Variants in PCDHGA11 observed in about 807,000 individuals in gnomAD.
The protein encoded by PCDHGA11 is protocadherin gamma subfamily A, 11, also known as protocadherin gamma-A11.
A neutral mutation model predicts 60.4 loss-of-function variants in PCDHGA11; 39 were observed. That is an observed-to-expected ratio of 0.65 (90% CI 0.50 to 0.84). The LOEUF is 0.84. Ranked by LOEUF, PCDHGA11 falls within the 40% of genes least tolerant of loss-of-function variation. The pLI is 0.00. For synonymous variants in PCDHGA11, 533 were observed against 510.3 expected (o/e 1.04, Z -0.60); for missense variants, 1,165 against 1,197.7 (o/e 0.97, Z 0.40).
At position 141,491,502 on chromosome 5, in the gene PCDHGA11, C is replaced by G. The variant is rs751961360; in HGVS notation, c.2434-3305C>G. 1.4e-5 allele frequency: 23 copies of G among 1,614,080 alleles called. No homozygotes were observed. Among genetic ancestry groups the G allele is most frequent in the Non-Finnish European group, 1.8e-5 (21 of 1,180,006 alleles). ...GCCCCAACCTGCAGGTGAGCTCGGA[C>G]GGCACGCTCAAGTACATGGAGGTGA... On this transcript the variant is annotated intron_variant, in intron 1 of 3. Coordinates refer to ENST00000398587, the MANE Select transcript of PCDHGA11 (RefSeq NM_018914.3). This position sits in a 1 kb window ranked among gnomAD's most constrained non-coding sequence, Gnocchi z 6.9.
intron 2 of PCDHGA11, among the ~76,000 whole-genome samples, chr5:141,495,094 C>T (rs1470702358): frequency 6.6e-6 from 1 of 152,156 alleles, no homozygotes; most frequent in African/African-American, 2.4e-5. Flanking sequence ...CTTCCCTCCT[C>T]GCCACGACCG....
At chr5:141,434,695 AAT>A (rs1228504579) in intron 1 of PCDHGA11, among the ~76,000 whole-genome samples, 7 of 152,212 alleles carry the variant, frequency 4.6e-5, no homozygotes, top group Non-Finnish European at 8.8e-5. Flanking sequence ...GCTGTTAATA[AAT>A]ATGTGGGTAA....
At chr5:141,500,729 C>T (rs1434863449) in intron 2 of PCDHGA11, among the ~76,000 whole-genome samples, 2 of 152,130 alleles carry the variant, frequency 1.3e-5, no homozygotes, top group Non-Finnish European at 2.9e-5. Flanking sequence ...CCATGTCTTT[C>T]AAAATTCTTC....
At position 141,477,039 on chromosome 5, in the gene PCDHGA11, G is replaced by C. The variant is rs1313580652; in HGVS notation, c.2434-17768G>C. Reference sequence around the variant, plus strand: ...GTAACCGGGATGCTGACAATCAAGGGTCGGCTGGACTTCGAGGACACCAAA... The same window carrying C: ...GTAACCGGGATGCTGACAATCAAGGCTCGGCTGGACTTCGAGGACACCAAA... On this transcript the variant is annotated intron_variant, in intron 1 of 3. Coordinates refer to ENST00000398587, the MANE Select transcript of PCDHGA11 (RefSeq NM_018914.3). This position sits in a 1 kb window ranked among gnomAD's most constrained non-coding sequence, Gnocchi z 4.9. 1 of 1,614,144 alleles carries C rather than the reference G, an allele frequency of 6.2e-7. No individual in the cohort carries two copies. The highest frequency in any genetic ancestry group is 8.5e-7 in the Non-Finnish European group (1 of 1,180,056).
rs1591337394 is a variant in PCDHGA11, at chr5:141,434,573, C to A, written c.2433+10913C>A. 2.0e-5 allele frequency among the ~76,000 whole-genome samples: 3 copies of A among 152,336 alleles called. No individual in the cohort carries two copies. The South Asian group carries it at 6.2e-4, about 32-fold the overall frequency. On this transcript the variant is annotated intron_variant, in intron 1 of 3. Transcript: ENST00000398587. The stretch of plus-strand genomic sequence containing the variant: ...TCTGTGCCTTAAGGACATGCCCCTG[C>A]TGCAGATAACTACCTCAATCCATCC...
intron 1 of PCDHGA11, chr5:141,424,500 G>A (rs2154550788): frequency 6.6e-6 from 1 of 152,208 alleles, no homozygotes; most frequent in African/African-American, 2.4e-5. Flanking sequence ...TGTATGTATG[G>A]AAGGTTTTTT....
rs1201654822 is a variant in PCDHGA11, at chr5:141,476,876, C to T, written c.2434-17931C>T. ...CCAGTCCTTGTACCGGGCGCGCGTC[C>T]TGGAGGATGCACCCTCCGGCACGCG... On this transcript the variant is annotated intron_variant, in intron 1 of 3. Transcript: ENST00000398587. The surrounding 1 kb of genome is among the most constrained non-coding windows in gnomAD (Gnocchi z 7.6). 6.2e-7 allele frequency: 1 copy of T among 1,613,876 alleles called. No homozygotes were observed. The highest frequency in any genetic ancestry group is 1.7e-5 in the Admixed American group (1 of 60,018).
intron 1 of PCDHGA11, chr5:141,441,824 G>A (rs1561905347): frequency 5.6e-6 from 2 of 356,750 alleles, no homozygotes; most frequent in South Asian, 4.7e-5. Flanking sequence ...GCTCTGGAGC[G>A]CAATGGCTTC....
At position 141,491,423 on chromosome 5, in the gene PCDHGA11, G is replaced by C; in HGVS notation, c.2434-3384G>C. On this transcript the variant is annotated intron_variant, in intron 1 of 3. Transcript: ENST00000398587. The surrounding 1 kb of genome is among the most constrained non-coding windows in gnomAD (Gnocchi z 6.9). ...AACGCAGACGGGGACGGGGGTGGAG[G>C]GCAGTGCTGCAGGCGCCAGGACTCA... 1 of 1,614,126 alleles carries C rather than the reference G, an allele frequency of 6.2e-7. No individual in the cohort carries two copies. Among genetic ancestry groups the C allele is most frequent in the South Asian group, 1.1e-5 (1 of 91,090 alleles).
intron 1 of PCDHGA11, chr5:141,433,178 A>G: frequency 6.2e-7 from 1 of 1,608,316 alleles, no homozygotes. Context: ...TCATGGGTTA[A>G]TTGAGGTGAG....
rs759437302 is a variant in PCDHGA11, at chr5:141,476,861, T to C, written c.2434-17946T>C. On this transcript the variant is annotated intron_variant, in intron 1 of 3. Transcript: ENST00000398587. The surrounding 1 kb of genome is among the most constrained non-coding windows in gnomAD (Gnocchi z 7.6). Reference sequence around the variant, plus strand: ...TGCGCCTGTCTTCAACCAGTCCTTGTACCGGGCGCGCGTCCTGGAGGATGC... The same window carrying C: ...TGCGCCTGTCTTCAACCAGTCCTTGCACCGGGCGCGCGTCCTGGAGGATGC... 6.2e-7 allele frequency: 1 copy of C among 1,613,864 alleles called. No individual in the cohort carries two copies. The highest frequency in any genetic ancestry group is 1.7e-5 in the Admixed American group (1 of 60,034).
At chr5:141,466,180 A>T (rs566514149) in intron 1 of PCDHGA11, among the ~76,000 whole-genome samples, 100 of 151,254 alleles carry the variant, frequency 6.6e-4, no homozygotes, top group African/African-American at 2.1e-3. Context: ...TTTTATTTTT[A>T]TTTTTTTTCA....
At position 141,460,912 on chromosome 5, in the gene PCDHGA11, G is replaced by GTA. The variant is rs34683754; in HGVS notation, c.2434-33883_2434-33882dup. ...TCGTGGCTGAGTAATATTCCATGGT[G>GTA]TATATATATATATGTGTGTGTGTAT... On this transcript the variant is annotated intron_variant, in intron 1 of 3. Coordinates refer to ENST00000398587, the MANE Select transcript of PCDHGA11 (RefSeq NM_018914.3). Among the ~76,000 whole-genome samples, 731 of 149,318 alleles carry GTA rather than the reference G, an allele frequency of 4.9e-3. 9 individuals carry two copies. Among genetic ancestry groups the GTA allele is most frequent in the African/African-American group, 0.016 (631 of 40,624 alleles).
chr5:141,423,382 C>G lies in PCDHGA11; in HGVS notation c.2155C>G (p.Arg719Gly). Residue 719 changes from arginine to glycine, a missense_variant, in exon 1 of 4, where the codon CGC (arginine) becomes GGC (glycine). Coordinates refer to ENST00000398587, the MANE Select transcript of PCDHGA11 (RefSeq NM_018914.3). Reference protein sequence around the residue: ...VIVLLALRLWRWHKSRLLQAS... With the variant: ...VIVLLALRLWGWHKSRLLQAS... ...CGTGCTGCTGGCACTCAGGCTGTGG[C>G]GCTGGCATAAGTCACGCCTGCTGCA... 1 of 1,614,118 alleles carries G rather than the reference C, an allele frequency of 6.2e-7. No homozygotes were observed. The highest frequency in any genetic ancestry group is 8.5e-7 in the Non-Finnish European group (1 of 1,179,988).
intron 1 of PCDHGA11, among the ~76,000 whole-genome samples, chr5:141,444,256 C>T (rs1445343718): frequency 2.1e-5 from 3 of 146,298 alleles, no homozygotes; most frequent in African/African-American, 5.1e-5. Context: ...ACTGCAACCT[C>T]CGCCTCCCAG....
chr5:141,437,408 G>A (rs1591455458), intron 1 of PCDHGA11, among the ~76,000 whole-genome samples: 1 of 152,200 alleles, frequency 6.6e-6, no homozygotes, highest in Non-Finnish European at 1.5e-5. Flanking sequence ...CATTCCAGAA[G>A]TATTATGCTT....
chr5:141,433,374 T>A (rs948922353), intron 1 of PCDHGA11, among the ~76,000 whole-genome samples: 36 of 150,958 alleles, frequency 2.4e-4, no homozygotes, highest in African/African-American at 8.6e-4. Flanking sequence ...TATCTATCTA[T>A]CTATCTATCT....
At position 141,476,675 on chromosome 5, in the gene PCDHGA11, C is replaced by T. The variant is rs2099395961; in HGVS notation, c.2434-18132C>T. On this transcript the variant is annotated intron_variant, in intron 1 of 3. Transcript: ENST00000398587. The surrounding 1 kb of genome is among the most constrained non-coding windows in gnomAD (Gnocchi z 7.6). ...ATACTTTGCGCTTCGCGTGCAGACG[C>T]GGGAGGACAGCACCAAGTACGCGGA... 1.2e-6 allele frequency: 2 copies of T among 1,614,124 alleles called. No homozygotes were observed. The highest frequency in any genetic ancestry group is 8.5e-7 in the Non-Finnish European group (1 of 1,180,062).
intron 1 of PCDHGA11, among the ~76,000 whole-genome samples, chr5:141,434,221 G>T (rs760622311): frequency 6.6e-6 from 1 of 152,206 alleles, no homozygotes; most frequent in Admixed American, 6.5e-5. Flanking sequence ...TGTAAACAAA[G>T]TACGATTTCT....
Sources: allele counts gnomAD v4.1 joint callset (sites outside exome capture counted in the v4.1 genomes callset), GRCh38; gene constraint gnomAD v4.1.1; non-coding constraint Gnocchi (gnomAD v3.1); transcripts MANE v1.5; gene names NCBI Gene and HGNC (gene_info 2026-07-23, HGNC 2026-07-21).